ABL2: variants seen among roughly 807,000 people sequenced by gnomAD.
ABL2 encodes tyrosine-protein kinase ABL2.
Under a neutral mutation model 107.7 loss-of-function variants are expected in ABL2, and 49 were observed. That is an observed-to-expected ratio of 0.45 (90% CI 0.36 to 0.58). The LOEUF is 0.58. Among genes scored for constraint, ABL2 ranks in the 20% least tolerant of loss-of-function variants. The pLI, the probability that ABL2 is intolerant of heterozygous loss-of-function variation, is 0.00. For synonymous variants in ABL2, 549 were observed against 548.6 expected, an observed-to-expected ratio of 1.00 and a Z score of -0.01; for missense variants, 1,245 against 1,457.0, an observed-to-expected ratio of 0.85 and a Z score of 2.37.
intron 9 of ABL2, among the ~76,000 whole-genome samples, chr1:179,113,690 A>G (rs940658842): frequency 7.2e-5 from 11 of 152,136 alleles, no homozygotes; most frequent in Non-Finnish European, 1.3e-4. Flanking sequence ...GCACTTTGGG[A>G]GGCCGAGGCA....
intron 1 of ABL2, among the ~76,000 whole-genome samples, chr1:179,179,331 AC>A (rs1438064784): frequency 6.6e-6 from 1 of 152,216 alleles, no homozygotes; most frequent in Non-Finnish European, 1.5e-5. Context: ...TGATTATTTC[AC>A]AAGTCAAGTG....
chr1:179,124,309 T>C (rs976300960), intron 4 of ABL2, among the ~76,000 whole-genome samples: 1 of 151,812 alleles, frequency 6.6e-6, no homozygotes, highest in Non-Finnish European at 1.5e-5. Flanking sequence ...AGAAAATTGA[T>C]AATTTTTACA....
chr1:179,168,610 A>G (rs1475903590), intron 1 of ABL2, among the ~76,000 whole-genome samples: 6 of 152,238 alleles, frequency 3.9e-5, no homozygotes, highest in Admixed American at 3.9e-4. Context: ...TGTGCAACAG[A>G]GTAGATAGCT....
chr1:179,166,394 T>TAAAAAAAAAAA (rs200116537), intron 1 of ABL2, among the ~76,000 whole-genome samples: 2 of 108,860 alleles, frequency 1.8e-5, no homozygotes, highest in African/African-American at 3.1e-5. Context: ...AACTCAATAC[T>TAAAAAAAAAAA]AAAAAAAAAA....
chr1:179,169,889 C>T (rs1161852804), intron 1 of ABL2, among the ~76,000 whole-genome samples: 2 of 151,886 alleles, frequency 1.3e-5, no homozygotes, highest in Admixed American at 6.6e-5. Flanking sequence ...ATTGGCTGGG[C>T]AGAGTTACAT....
chr1:179,229,170 G>GGCCCCCCCCCCC, intron 1 of ABL2, 71 bp downstream of exon 1: 46 of 266,250 alleles, frequency 1.7e-4, no homozygotes, highest in Middle Eastern at 1.3e-3. Flanking sequence ...CAGCCCGTCC[G>GGCCCCCCCCCCC]CCACCCACCC....
At position 179,135,575 on chromosome 1, in the gene ABL2, C is replaced by A. The variant is rs540020919; in HGVS notation, c.158-2201G>T. ...GGAAGTGAGGAGCGTCTCCTCCTGG[C>A]AGCCACCTCGTCCGGGAGGGAGGTG... On this transcript the variant is annotated intron_variant, in intron 1 of 11. Coordinates refer to ENST00000502732, the MANE Select transcript of ABL2 (RefSeq NM_007314.4). 9.2e-5 allele frequency among the ~76,000 whole-genome samples: 14 copies of A among 152,038 alleles called. No homozygotes were observed. In the South Asian group the frequency reaches 2.1e-3, roughly 23 times the overall value.
At position 179,103,597 on chromosome 1, in the gene ABL2, A is replaced by G. The variant is rs1010451692; in HGVS notation, c.*4121T>C. The G allele has an allele frequency of 2.3e-5, 5 of 220,782 alleles. No homozygotes were observed. The East Asian group carries it at 2.6e-4, about 12-fold the overall frequency. 13.7% of individuals were successfully genotyped at this position (220,782 alleles called of 1,614,324 possible). The stretch of plus-strand genomic sequence containing the variant: ...CTGTCCAAAAGAATGACCCCATTGA[A>G]TTTTTTAAATGACTGAATTCTACTG... On this transcript the variant is annotated 3_prime_UTR_variant, in exon 12 of 12. Coordinates refer to ENST00000502732, the MANE Select transcript of ABL2 (RefSeq NM_007314.4).
At chr1:179,160,715 T>C (rs1407669533) in intron 1 of ABL2, among the ~76,000 whole-genome samples, 1 of 152,178 alleles carries the variant, frequency 6.6e-6, no homozygotes, top group South Asian at 2.1e-4. Flanking sequence ...ATATGACAAT[T>C]CATAATTTTC....
rs539408103 is a variant in ABL2, at chr1:179,101,098, G to C, written c.*6620C>G. 1.7e-5 allele frequency: 4 copies of C among 231,188 alleles called. No individual in the cohort carries two copies. Among genetic ancestry groups the C allele is most frequent in the African/African-American group, 8.8e-5 (4 of 45,342 alleles). 14.3% of individuals were successfully genotyped at this position (231,188 alleles called of 1,614,324 possible). On this transcript the variant is annotated 3_prime_UTR_variant, in exon 12 of 12. Coordinates refer to ENST00000502732, the MANE Select transcript of ABL2 (RefSeq NM_007314.4). ...CTGGCCACTGCCATCTGAGAAGCTC[G>C]TGTCTACCAGCTCTAGTTCAATAAT...
intron 10 of ABL2, 152 bp downstream of exon 10, chr1:179,112,157 C>CTA: frequency 1.7e-6 from 1 of 600,246 alleles, no homozygotes; most frequent in Non-Finnish European, 2.9e-6. Flanking sequence ...CTATTATAAA[C>CTA]TATACTCTGA....
chr1:179,225,699 C>CA (rs1402997958), intron 1 of ABL2, among the ~76,000 whole-genome samples: 5 of 152,098 alleles, frequency 3.3e-5, no homozygotes, highest in East Asian at 1.9e-4. Context: ...GACAGCCCCC[C>CA]AAAACACAGA....
intron 9 of ABL2, among the ~76,000 whole-genome samples, chr1:179,114,407 A>G (rs1404592543): frequency 1.3e-5 from 2 of 152,292 alleles, no homozygotes; most frequent in East Asian, 3.9e-4. Context: ...AGCCTGGGCA[A>G]CAAAGCAAGA....
chr1:179,112,454 G>A, intron 9 of ABL2, 56 bp from the exon 10 acceptor site: 1 of 1,391,104 alleles, frequency 7.2e-7, no homozygotes, highest in Admixed American at 1.7e-5. Context: ...AATATCCAGT[G>A]GTGTATCTAA....
chr1:179,229,123 C>T (rs1393782796), intron 1 of ABL2, 118 bp downstream of exon 1: 1 of 1,280,764 alleles, frequency 7.8e-7, no homozygotes, highest in Non-Finnish European at 1.1e-6. Flanking sequence ...GATTCCGCCC[C>T]CACTCTCAGG....
At chr1:179,113,090 T>G (rs1391743012) in intron 9 of ABL2, among the ~76,000 whole-genome samples, 3 of 152,090 alleles carry the variant, frequency 2.0e-5, no homozygotes, top group African/African-American at 7.2e-5. Flanking sequence ...GCTACTGTAT[T>G]TTTTATGTAG....
At chr1:179,117,547 A>G in intron 7 of ABL2, 31 bp from the exon 8 acceptor site, 1 of 1,609,596 alleles carries the variant, frequency 6.2e-7, no homozygotes, top group Non-Finnish European at 8.5e-7. Flanking sequence ...ATGTGATTCC[A>G]TTCAGATGGT....
chr1:179,190,594 G>A (rs1258900803), intron 1 of ABL2, among the ~76,000 whole-genome samples: 1 of 152,102 alleles, frequency 6.6e-6, no homozygotes. Context: ...CCACAGAGAC[G>A]TGGGGGGTGG....
intron 1 of ABL2, among the ~76,000 whole-genome samples, chr1:179,213,144 TTA>T (rs1024670079): frequency 2.5e-4 from 38 of 151,880 alleles, no homozygotes; most frequent in African/African-American, 7.3e-4. Context: ...AAATTAATTT[TTA>T]TATATATGTC....
Sources: gnomAD v4.1 joint callset for allele counts (sites outside exome capture counted in the v4.1 genomes callset) on GRCh38, gnomAD v4.1.1 for gene constraint, MANE v1.5 for transcripts, NCBI Gene and HGNC (gene_info 2026-07-23, HGNC 2026-07-21) for gene names.